SYCP2: variants seen among roughly 807,000 people sequenced by gnomAD.
SYCP2 encodes the protein synaptonemal complex protein 2.
Under a neutral mutation model 211.3 loss-of-function variants are expected in SYCP2, and 55 were observed. The ratio of observed to expected loss-of-function variants is 0.26; its 90% CI spans 0.21 to 0.33. The LOEUF (loss-of-function observed/expected upper bound fraction) is 0.33, where lower values mean the gene tolerates loss of function less well. Among genes scored for constraint, SYCP2 ranks in the 10% least tolerant of loss-of-function variants. The probability of loss-of-function intolerance (pLI) is 1.00; values close to 1 mark genes in which losing one functional copy is unlikely to be tolerated. For missense variants in SYCP2, 1,731 were observed against 1,752.0 expected (o/e 0.99, Z 0.21); for synonymous variants, 570 against 555.2 (o/e 1.03, Z -0.37).
At chr20:59,877,252 T>C in intron 33 of SYCP2, 133 bp downstream of exon 33, 1 of 708,258 alleles carries the variant, frequency 1.4e-6, no homozygotes, top group South Asian at 4.6e-5. Flanking sequence ...ATTTCTAGAA[T>C]TATTATTTAA....
chr20:59,872,409 C>T (rs983501190), intron 35 of SYCP2, among the ~76,000 whole-genome samples: 4 of 151,876 alleles, frequency 2.6e-5, no homozygotes, highest in African/African-American at 7.3e-5. Context: ...GTGGAGATAT[C>T]GTAGTGCTCA....
At chr20:59,910,344 A>G (rs2060292496) in intron 14 of SYCP2, among the ~76,000 whole-genome samples, 1 of 141,296 alleles carries the variant, frequency 7.1e-6, no homozygotes. Flanking sequence ...TACTTTCCCT[A>G]TCATGTATAC....
chr20:59,908,633 AAAACACAC>A (rs1337428413), intron 14 of SYCP2, among the ~76,000 whole-genome samples: 25 of 152,192 alleles, frequency 1.6e-4, no homozygotes, highest in Non-Finnish European at 2.9e-4. Flanking sequence ...ACTTTTTAAA[AAAACACAC>A]ATAATGGCAA....
At chr20:59,895,026 T>C (rs1405074388) in intron 20 of SYCP2, among the ~76,000 whole-genome samples, 1 of 152,098 alleles carries the variant, frequency 6.6e-6, no homozygotes, top group Non-Finnish European at 1.5e-5. Context: ...TACTGCATCC[T>C]ATATGTGTAA....
Position 59,900,147 on chromosome 20 carries a change from A to T in SYCP2, c.1395T>A (p.Ser465Arg), listed in dbSNP as rs762971204. The T allele has an allele frequency of 1.9e-6, 3 of 1,612,914 alleles. No homozygotes were observed. Among genetic ancestry groups the T allele is most frequent in the South Asian group, 1.1e-5 (1 of 91,058 alleles). The change falls in exon 18 of 45, where the codon AGT becomes AGA. Residue 465 changes from serine (S) to arginine (R), a missense_variant. Coordinates refer to ENST00000357552, the MANE Select transcript of SYCP2 (RefSeq NM_014258.4). ...KNSDKGNRNN[S>R]QLEKTTPSKR... ...TTGACACCATCTTTACCTCAAGCTG[A>T]CTATTATTTCTATTCCCTTTGTCAC...
At chr20:59,892,466 T>C (rs751585709) in intron 23 of SYCP2, 40 bp from the exon 24 acceptor site, 1 of 1,456,192 alleles carries the variant, frequency 6.9e-7, no homozygotes, top group South Asian at 1.4e-5. Flanking sequence ...TTTAAATTAA[T>C]AAGTTGACAT....
chr20:59,890,396 T>TG (rs1029691661), intron 24 of SYCP2, among the ~76,000 whole-genome samples: 2 of 151,842 alleles, frequency 1.3e-5, no homozygotes, highest in Admixed American at 6.6e-5. Context: ...TGGGGCCTGT[T>TG]GGGGGGTGGA....
intron 12 of SYCP2, among the ~76,000 whole-genome samples, chr20:59,912,834 T>C (rs1453365100): frequency 6.6e-6 from 1 of 152,242 alleles, no homozygotes; most frequent in Non-Finnish European, 1.5e-5. Flanking sequence ...TCACGAGATC[T>C]GATGGTTTTA....
At chr20:59,913,620 T>C (rs2060374116) in intron 12 of SYCP2, among the ~76,000 whole-genome samples, 1 of 152,138 alleles carries the variant, frequency 6.6e-6, no homozygotes, top group Admixed American at 6.6e-5. Flanking sequence ...GTAATAAATA[T>C]GTCTAGATTT....
intron 34 of SYCP2, 103 bp downstream of exon 34, chr20:59,875,168 A>C (rs1217701679): frequency 1.4e-6 from 1 of 714,236 alleles, no homozygotes; most frequent in African/African-American, 1.8e-5. Flanking sequence ...TACTATAATT[A>C]TAAATACCCC....
At chr20:59,893,734 C>T (rs1029127647) in intron 20 of SYCP2, 141 bp from the exon 21 acceptor site, 4 of 540,414 alleles carry the variant, frequency 7.4e-6, no homozygotes, top group Non-Finnish European at 6.5e-6. Flanking sequence ...ATTTCATAAA[C>T]GTTATGCCCG....
At chr20:59,899,686 G>A (rs1022569842) in intron 18 of SYCP2, among the ~76,000 whole-genome samples, 2 of 152,146 alleles carry the variant, frequency 1.3e-5, no homozygotes, top group Non-Finnish European at 2.9e-5. Flanking sequence ...AGCAAGGTAT[G>A]GTGGTAGGGG....
Position 59,890,941 on chromosome 20 carries a change from C to T in SYCP2, c.2364+1049G>A, listed in dbSNP as rs572968868. On this transcript the variant is annotated intron_variant, in intron 24 of 44. Coordinates refer to ENST00000357552, the MANE Select transcript of SYCP2 (RefSeq NM_014258.4). ...AAAGAGAAAATAACATATTAGGACC[C>T]AAGAAAAAAAGGGACCCAAAAGAAT... is the stretch of plus-strand genomic sequence containing the variant. Among the ~76,000 whole-genome samples, 25 of 151,170 alleles carry T rather than the reference C, an allele frequency of 1.7e-4. No homozygotes were observed. In the East Asian group the frequency reaches 4.7e-3, roughly 28 times the overall value.
chr20:59,865,228 A>C (rs1483878661), intron 44 of SYCP2, among the ~76,000 whole-genome samples, 160 bp downstream of exon 44: 2 of 152,034 alleles, frequency 1.3e-5, no homozygotes, highest in Non-Finnish European at 2.9e-5. Flanking sequence ...CTTTCACTAT[A>C]AATATGCTCC....
In SYCP2 at chr20:59,911,133, G is replaced by C. The variant is rs12624761; in HGVS notation, c.972+617C>G. Among the ~76,000 whole-genome samples, 10 of 152,166 alleles carry C rather than the reference G, an allele frequency of 6.6e-5. No homozygotes were observed. In the East Asian group the frequency reaches 1.9e-3, roughly 29 times the overall value. ...AACTCTTACTCAGATTTTGGCAAAC[G>C]GACTGCATAATTTGAGCTAAATGTA... On this transcript the variant is annotated intron_variant, in intron 14 of 44. Transcript: ENST00000357552.
rs755968796 is a variant in SYCP2, at chr20:59,868,949, A to G, written c.3742-24T>C. ...TCCTAAAATACGTATTAGAAATTAGAAAAAAATTCCGTAAATATATTTCAA... is the reference window on the plus strand; with the variant it reads ...TCCTAAAATACGTATTAGAAATTAGGAAAAAATTCCGTAAATATATTTCAA... On this transcript the variant is annotated intron_variant, in intron 36 of 44. Transcript: ENST00000357552. 1.9e-6 allele frequency: 3 copies of G among 1,542,278 alleles called. No individual in the cohort carries two copies. The East Asian group carries it at 6.8e-5, about 35-fold the overall frequency.
chr20:59,871,034 T>C (rs1466741826), intron 35 of SYCP2, among the ~76,000 whole-genome samples: 2 of 151,916 alleles, frequency 1.3e-5, no homozygotes, highest in Non-Finnish European at 2.9e-5. Context: ...TTATGTCCTA[T>C]CTTTTGTCAT....
intron 26 of SYCP2, among the ~76,000 whole-genome samples, chr20:59,882,369 C>A (rs1030639054): frequency 6.6e-6 from 1 of 152,050 alleles, no homozygotes; most frequent in Non-Finnish European, 1.5e-5. Context: ...AATGGTGGTA[C>A]AACCACTGTG....
intron 18 of SYCP2, among the ~76,000 whole-genome samples, chr20:59,898,597 A>C (rs2060055630): frequency 6.6e-6 from 1 of 152,160 alleles, no homozygotes; most frequent in African/African-American, 2.4e-5. Context: ...ACATTAGGAG[A>C]AATACCTAAT....
Sources: gnomAD v4.1 joint callset for allele counts (sites outside exome capture counted in the v4.1 genomes callset) on GRCh38, gnomAD v4.1.1 for gene constraint, MANE v1.5 for transcripts, NCBI Gene and HGNC (gene_info 2026-07-23, HGNC 2026-07-21) for gene names.